PARD3: variants seen among roughly 807,000 people sequenced by gnomAD.
PARD3 encodes the protein partitioning defective 3 homolog.
A neutral mutation model predicts 155.4 loss-of-function variants in PARD3; 75 were observed. The observed-to-expected ratio is 0.48, with a 90% CI of 0.40 to 0.58. PARD3 has a LOEUF of 0.58. PARD3 is among the 20% of genes least tolerant of loss of function. PARD3 has a pLI of 0.00. For missense variants in PARD3, 1,642 were observed against 1,721.7 expected (o/e 0.95, Z 0.82); for synonymous variants, 576 against 610.5 (o/e 0.94, Z 0.83).
At chr10:34,118,273 T>G (rs1258042228) in intron 24 of PARD3, among the ~76,000 whole-genome samples, 3 of 152,224 alleles carry the variant, frequency 2.0e-5, no homozygotes, top group Non-Finnish European at 4.4e-5. Context: ...CTCATTCACA[T>G]CCATGTCCCC....
chr10:34,798,339 A>AAGAAGGAGAAGG (rs777001599), intron 1 of PARD3, among the ~76,000 whole-genome samples: 2 of 151,696 alleles, frequency 1.3e-5, no homozygotes, highest in Non-Finnish European at 1.5e-5. Context: ...CTGTCCCGTG[A>AAGAAGGAGAAGG]AGAAGGAGAA....
chr10:34,257,139 C>G (rs80162192), intron 22 of PARD3, among the ~76,000 whole-genome samples: 123 of 152,218 alleles, frequency 8.1e-4, no homozygotes, highest in African/African-American at 2.8e-3. Flanking sequence ...ACTTAGGGTA[C>G]CCAAGGAAAA....
At chr10:34,447,810 A>C (rs1443675535) in intron 5 of PARD3, among the ~76,000 whole-genome samples, 1 of 151,882 alleles carries the variant, frequency 6.6e-6, no homozygotes, top group Non-Finnish European at 1.5e-5. Context: ...GTCTCAAAAG[A>C]AAGAAAGAAA....
At chr10:34,601,710 C>A (rs2384230) in intron 2 of PARD3, among the ~76,000 whole-genome samples, 73,714 of 151,500 alleles carry the variant, frequency 0.49, 19,626 homozygotes, top group African/African-American at 0.72. Context: ...CTTCAGTTTC[C>A]GACTACATTT....
At chr10:34,377,576 C>T (rs543714315) in intron 10 of PARD3, among the ~76,000 whole-genome samples, 30 of 151,748 alleles carry the variant, frequency 2.0e-4, no homozygotes, top group Admixed American at 1.6e-3. Flanking sequence ...GGCGACAGAG[C>T]GAGACTCCAT....
chr10:34,288,307 G>A (rs1249018780), intron 20 of PARD3, among the ~76,000 whole-genome samples: 2 of 152,106 alleles, frequency 1.3e-5, no homozygotes, highest in African/African-American at 4.8e-5. Context: ...TTTAGTAATT[G>A]CTTTAGTTAA....
intron 2 of PARD3, among the ~76,000 whole-genome samples, chr10:34,602,154 C>G (rs2089840006): frequency 6.6e-6 from 1 of 152,160 alleles, no homozygotes; most frequent in Non-Finnish European, 1.5e-5. Context: ...GAGAAAGTCG[C>G]TGATAAATTT....
At chr10:34,690,217 T>G (rs1431393399) in intron 2 of PARD3, among the ~76,000 whole-genome samples, 1 of 152,214 alleles carries the variant, frequency 6.6e-6, no homozygotes, top group Non-Finnish European at 1.5e-5. Context: ...GGGCTGAGAT[T>G]ACAGGTACGA....
chr10:34,543,951 A>G (rs556245081), intron 2 of PARD3, among the ~76,000 whole-genome samples: 2 of 152,212 alleles, frequency 1.3e-5, no homozygotes, highest in Non-Finnish European at 2.9e-5. Flanking sequence ...GCACTCATCA[A>G]GAAAATTACA....
In PARD3 at chr10:34,714,527, T is replaced by A. The variant is rs1336817089; in HGVS notation, c.121-18108A>T. 2.0e-5 allele frequency among the ~76,000 whole-genome samples: 3 copies of A among 151,978 alleles called. No individual in the cohort carries two copies. The East Asian group carries it at 5.8e-4, about 29-fold the overall frequency. ...CATCCTAAGTGTGGCCCCTAAGGGG[T>A]GGATGCCATACCACGGCACAGCTTA... On this transcript the variant is annotated intron_variant, in intron 1 of 24. Coordinates refer to ENST00000374788, the MANE Select transcript of PARD3 (RefSeq NM_001184785.2).
At position 34,488,362 on chromosome 10, in the gene PARD3, C is replaced by G. The variant is rs577538164; in HGVS notation, c.404-18099G>C. 9.2e-5 allele frequency among the ~76,000 whole-genome samples: 14 copies of G among 152,104 alleles called. No individual in the cohort carries two copies. The East Asian group carries it at 2.7e-3, about 29-fold the overall frequency. On this transcript the variant is annotated intron_variant, in intron 3 of 24. Transcript: ENST00000374788. ...TGAGACAGAGTCTCGCTCTGTCACC[C>G]AGGCTGGAGTGCAGTGATGCAATCT...
chr10:34,761,604 G>C (rs1564591837), intron 1 of PARD3, among the ~76,000 whole-genome samples: 1 of 152,110 alleles, frequency 6.6e-6, no homozygotes, highest in African/African-American at 2.4e-5. Context: ...GGCAAATAAT[G>C]GCCTATTTCT....
intron 22 of PARD3, among the ~76,000 whole-genome samples, chr10:34,157,940 T>C (rs905831802): frequency 3.3e-5 from 5 of 152,258 alleles, no homozygotes; most frequent in Non-Finnish European, 5.9e-5. Flanking sequence ...CTATATTTCA[T>C]GTAGCAACCA....
intron 5 of PARD3, among the ~76,000 whole-genome samples, chr10:34,409,268 T>A (rs780082081): frequency 2.0e-5 from 3 of 152,116 alleles, no homozygotes; most frequent in Non-Finnish European, 4.4e-5. Flanking sequence ...AAAGTATGTA[T>A]CTCTGCACCA....
intron 5 of PARD3, among the ~76,000 whole-genome samples, chr10:34,405,079 A>ACACAC (rs1844309207): frequency 1.5e-3 from 89 of 59,444 alleles, no homozygotes; most frequent in African/African-American, 9.0e-3. Flanking sequence ...CACAAACACA[A>ACACAC]ACACACACAC....
intron 22 of PARD3, among the ~76,000 whole-genome samples, chr10:34,210,552 C>T (rs953813243): frequency 1.2e-4 from 19 of 152,208 alleles, no homozygotes; most frequent in Admixed American, 7.2e-4. Flanking sequence ...GAGATACATC[C>T]GGCGGTACAA....
intron 12 of PARD3, among the ~76,000 whole-genome samples, chr10:34,368,743 T>A (rs1840248184): frequency 6.7e-6 from 1 of 149,222 alleles, no homozygotes; most frequent in Non-Finnish European, 1.5e-5. Context: ...GTCACTGGGC[T>A]GGGAAAGGAC....
At chr10:34,625,594 T>C (rs2091940857) in intron 2 of PARD3, among the ~76,000 whole-genome samples, 1 of 152,148 alleles carries the variant, frequency 6.6e-6, no homozygotes, top group African/African-American at 2.4e-5. Context: ...ACAAAGGAAT[T>C]GAAGGGATTC....
intron 22 of PARD3, among the ~76,000 whole-genome samples, chr10:34,256,641 T>C (rs1444014870): frequency 6.6e-6 from 1 of 152,210 alleles, no homozygotes; most frequent in Non-Finnish European, 1.5e-5. Context: ...AACAAATATT[T>C]TCAAATCCCT....
Sources: gnomAD v4.1 joint callset for allele counts (sites outside exome capture counted in the v4.1 genomes callset) on GRCh38, gnomAD v4.1.1 for gene constraint, MANE v1.5 for transcripts, NCBI Gene and HGNC (gene_info 2026-07-23, HGNC 2026-07-21) for gene names.